The following AFG2A variants were observed in gnomAD, a reference collection of about 807,000 sequenced individuals.
The protein encoded by AFG2A is ATPase family gene 2 protein homolog A.
chr4:122,979,897 C>G, the AFG2A span, among the ~76,000 whole-genome samples: 99 of 152,088 alleles, frequency 6.5e-4, no homozygotes, highest in Non-Finnish European at 1.3e-3. Flanking sequence ...GACCCTGTCT[C>G]AAAAACAAAA....
the AFG2A span, among the ~76,000 whole-genome samples, chr4:123,049,173 G>A: frequency 7.2e-5 from 11 of 152,072 alleles, no homozygotes; most frequent in African/African-American, 2.4e-4. Flanking sequence ...TTATTGATTC[G>A]CATATGTTGG....
the AFG2A span, among the ~76,000 whole-genome samples, chr4:123,174,818 T>TAA: frequency 8.7e-6 from 1 of 114,370 alleles, no homozygotes; most frequent in Non-Finnish European, 2.2e-5. Context: ...CTGATCTTTT[T>TAA]TAAAAAAAAT....
the AFG2A span, among the ~76,000 whole-genome samples, chr4:123,000,412 G>C: frequency 6.6e-6 from 1 of 151,888 alleles, no homozygotes; most frequent in Non-Finnish European, 1.5e-5. Context: ...TCCAGTTTTT[G>C]TCCATTCAGT....
At chr4:123,023,939 G>T in the AFG2A span, among the ~76,000 whole-genome samples, 12,912 of 148,308 alleles carry the variant, frequency 0.087, 721 homozygotes, top group Non-Finnish European at 0.13. Flanking sequence ...TGGAGCAGGG[G>T]TTCCTGCCCC....
the AFG2A span, among the ~76,000 whole-genome samples, chr4:123,080,694 C>G: frequency 6.6e-6 from 1 of 152,198 alleles, no homozygotes; most frequent in African/African-American, 2.4e-5. Context: ...ATCTAAATCT[C>G]CAGTTGTCCC....
chr4:123,318,871 A>C, the AFG2A span: 1 of 152,198 alleles, frequency 6.6e-6, no homozygotes, highest in East Asian at 1.9e-4. Context: ...CAAGGAAAGA[A>C]AATGGCCAGC....
the AFG2A span, among the ~76,000 whole-genome samples, chr4:122,977,527 C>T: frequency 2.0e-5 from 3 of 152,218 alleles, no homozygotes; most frequent in African/African-American, 2.4e-5. Flanking sequence ...AGCAGAGCCC[C>T]AAAGAGAGTG....
the AFG2A span, among the ~76,000 whole-genome samples, chr4:123,136,073 A>G: frequency 6.6e-6 from 1 of 152,248 alleles, no homozygotes; most frequent in African/African-American, 2.4e-5. Context: ...GAAATTTTTC[A>G]GTAACTCAGT....
the AFG2A span, among the ~76,000 whole-genome samples, chr4:123,310,213 G>A: frequency 6.6e-6 from 1 of 152,212 alleles, no homozygotes; most frequent in African/African-American, 2.4e-5. Context: ...AGCTGCTTGT[G>A]CATCAGCTGC....
chr4:123,318,393 A>G, the AFG2A span: 4 of 152,328 alleles, frequency 2.6e-5, no homozygotes, highest in African/African-American at 9.6e-5. Context: ...ATTTTAGAAC[A>G]TTATATCTTT....
the AFG2A span, among the ~76,000 whole-genome samples, chr4:123,040,623 C>T: frequency 8.5e-5 from 13 of 152,310 alleles, no homozygotes; most frequent in Non-Finnish European, 1.8e-4. Flanking sequence ...GTTACATAGT[C>T]TAACCTGTAT....
the AFG2A span, among the ~76,000 whole-genome samples, chr4:122,949,992 C>T: frequency 2.6e-5 from 4 of 152,212 alleles, no homozygotes; most frequent in Admixed American, 6.5e-5. Context: ...GGTCCTGTGG[C>T]AAGGGCCATA....
At chr4:123,311,488 GT>G in the AFG2A span, among the ~76,000 whole-genome samples, 1 of 151,924 alleles carries the variant, frequency 6.6e-6, no homozygotes, top group African/African-American at 2.4e-5. Context: ...CTAGCCAGGC[GT>G]GGTGGCACGC....
the AFG2A span, among the ~76,000 whole-genome samples, chr4:122,971,693 A>T: frequency 6.6e-6 from 1 of 152,022 alleles, no homozygotes; most frequent in Middle Eastern, 3.2e-3. Flanking sequence ...TTTTTGTTGT[A>T]TGCGTGATAA....
At chr4:122,971,609 G>A in the AFG2A span, among the ~76,000 whole-genome samples, 38 of 152,202 alleles carry the variant, frequency 2.5e-4, no homozygotes, top group South Asian at 7.9e-3. Context: ...AATAGAAGTG[G>A]TAACAATAGT....
chr4:123,222,977 G>C, the AFG2A span, among the ~76,000 whole-genome samples: 278 of 152,258 alleles, frequency 1.8e-3, 1 homozygote, highest in Non-Finnish European at 3.4e-3. Flanking sequence ...CTTGGCTCTT[G>C]TGAATAGTGC....
chr4:123,002,016 A>T, the AFG2A span, among the ~76,000 whole-genome samples: 1 of 152,212 alleles, frequency 6.6e-6, no homozygotes, highest in Admixed American at 6.5e-5. Context: ...TATTTAGGAT[A>T]GTTAGCTCTT....
the AFG2A span, among the ~76,000 whole-genome samples, chr4:123,032,668 C>A: frequency 1.3e-5 from 2 of 152,210 alleles, no homozygotes; most frequent in African/African-American, 4.8e-5. Context: ...CCCGCCTTGG[C>A]CTCCCAAAGT....
chr4:122,972,460 T>G, the AFG2A span, among the ~76,000 whole-genome samples: 1 of 151,892 alleles, frequency 6.6e-6, no homozygotes, highest in Non-Finnish European at 1.5e-5. Flanking sequence ...TTCTTCATTA[T>G]TTCCCTCCTT....
Sources: gnomAD v4.1 joint callset for allele counts (sites outside exome capture counted in the v4.1 genomes callset) on GRCh38, gnomAD v4.1.1 for gene constraint, MANE v1.5 for transcripts, NCBI Gene and HGNC (gene_info 2026-07-23, HGNC 2026-07-21) for gene names.